MAST2: variants seen among roughly 807,000 people sequenced by gnomAD.
MAST2 encodes the protein microtubule associated serine/threonine kinase 2.
MAST2 carries 70 observed loss-of-function variants against 147.4 expected under a neutral mutation model. That is an observed-to-expected ratio of 0.47 (90% confidence interval 0.39 to 0.58). MAST2 has a LOEUF of 0.58. Ranked by LOEUF, MAST2 falls within the 20% of genes least tolerant of loss-of-function variation. The probability of loss-of-function intolerance (pLI) is 0.00; values close to 1 mark genes in which losing one functional copy is unlikely to be tolerated. For synonymous variants in MAST2, 869 were observed against 896.8 expected, an observed-to-expected ratio of 0.97 and a Z score of 0.55; for missense variants, 2,080 against 2,302.3, an observed-to-expected ratio of 0.90 and a Z score of 1.98.
At chr1:45,969,226 T>C (rs547001640) in intron 5 of MAST2, among the ~76,000 whole-genome samples, 1 of 152,262 alleles carries the variant, frequency 6.6e-6, no homozygotes, top group East Asian at 1.9e-4. Context: ...TATTTTTTGC[T>C]TTTTAGTGAG....
chr1:46,006,119 A>G (rs1645476581), intron 7 of MAST2, 122 bp from the exon 8 acceptor site: 1 of 935,700 alleles, frequency 1.1e-6, no homozygotes, highest in Admixed American at 2.3e-5. Flanking sequence ...GAGTAGGGGA[A>G]AGAAGACCTG....
At chr1:45,940,314 C>T (rs567119591) in intron 4 of MAST2, among the ~76,000 whole-genome samples, 268 of 151,932 alleles carry the variant, frequency 1.8e-3, no homozygotes, top group Middle Eastern at 6.8e-3. Context: ...TTAAAATTTT[C>T]TTTTAGTGTT....
chr1:46,029,922 G>A lies in MAST2; in HGVS notation c.2412G>A (p.Leu804=), dbSNP rs768013736. ...AGAAGGCTGAATTTATTCCTCAGTT[G>A]GAGTCAGAGGATGATACTAGCTATT... ...LRQKAEFIPQ[L]ESEDDTSYFD... The change falls in exon 20 of 29, where the codon TTG becomes TTA. Residue 804 remains leucine, a synonymous_variant. Transcript: ENST00000361297. 6.2e-7 allele frequency: 1 copy of A among 1,614,120 alleles called. No homozygotes were observed. Among genetic ancestry groups the A allele is most frequent in the Non-Finnish European group, 8.5e-7 (1 of 1,179,980 alleles).
intron 3 of MAST2, among the ~76,000 whole-genome samples, chr1:45,838,976 CTTTTT>C (rs1297137373): frequency 1.3e-5 from 2 of 148,890 alleles, no homozygotes; most frequent in Non-Finnish European, 3.0e-5. Flanking sequence ...CATATCTTTT[CTTTTT>C]TTTTTCCTTT....
intron 5 of MAST2, among the ~76,000 whole-genome samples, chr1:45,982,050 T>A (rs1206444540): frequency 6.6e-6 from 1 of 152,140 alleles, no homozygotes; most frequent in African/African-American, 2.4e-5. Flanking sequence ...AGTTTCACCA[T>A]GTTTGCCAGA....
chr1:45,984,518 A>G (rs575491650), intron 5 of MAST2, among the ~76,000 whole-genome samples: 1 of 152,170 alleles, frequency 6.6e-6, no homozygotes, highest in African/African-American at 2.4e-5. Context: ...GTTGTTGCCC[A>G]GGCTGGTCTT....
intron 4 of MAST2, among the ~76,000 whole-genome samples, chr1:45,947,331 A>AC (rs1368685687): frequency 6.1e-5 from 8 of 132,102 alleles, no homozygotes; most frequent in African/African-American, 2.2e-4. Context: ...AAAAAAAAAA[A>AC]CCCAAACACC....
rs545787393 is a variant in MAST2, at chr1:46,029,571, G to A, written c.2320+4G>A. 5 of 1,612,822 alleles carry A rather than the reference G, an allele frequency of 3.1e-6. No individual in the cohort carries two copies. The highest frequency in any genetic ancestry group is 4.2e-6 in the Non-Finnish European group (5 of 1,179,356). On this transcript the variant is annotated splice_donor_region_variant and intron_variant, in intron 19 of 28. Coordinates refer to ENST00000361297, the MANE Select transcript of MAST2 (RefSeq NM_015112.3). ...CCTCTGGAGAGACTTGGCACAGGTAGGGCAGGCCCTGCTAACTTTTCTCAC... is the reference window on the plus strand; with the variant it reads ...CCTCTGGAGAGACTTGGCACAGGTAAGGCAGGCCCTGCTAACTTTTCTCAC...
In MAST2 at chr1:46,023,708, G is replaced by T; in HGVS notation, c.1572-64G>T. On this transcript the variant is annotated intron_variant, in intron 14 of 28. Coordinates refer to ENST00000361297, the MANE Select transcript of MAST2 (RefSeq NM_015112.3). The surrounding 1 kb of genome is among the most constrained non-coding windows in gnomAD (Gnocchi z 4.9). ...TAAGGTGTGAGAGAAGGCAGTTTGGGTGGCAGAGAGCACAGCTCAGGTGCT... is the reference window on the plus strand; with the variant it reads ...TAAGGTGTGAGAGAAGGCAGTTTGGTTGGCAGAGAGCACAGCTCAGGTGCT... 1 of 1,479,352 alleles carries T rather than the reference G, an allele frequency of 6.8e-7. No individual in the cohort carries two copies. Among genetic ancestry groups the T allele is most frequent in the Admixed American group, 1.8e-5 (1 of 54,582 alleles). 91.6% of individuals were successfully genotyped at this position (1,479,352 alleles called of 1,614,324 possible).
chr1:45,997,520 G>T (rs1645103872), intron 5 of MAST2, among the ~76,000 whole-genome samples: 3 of 152,146 alleles, frequency 2.0e-5, no homozygotes, highest in Admixed American at 6.5e-5. Flanking sequence ...TGAGAGACAT[G>T]GGTTGTTACA....
At chr1:45,917,613 A>C in intron 4 of MAST2, 8 of 985,118 alleles carry the variant, frequency 8.1e-6, no homozygotes, top group Non-Finnish European at 1.1e-5. Context: ...CTCCTTAATA[A>C]TGGGGAGAAA....
intron 4 of MAST2, among the ~76,000 whole-genome samples, chr1:45,920,403 T>C (rs1422988933): frequency 1.3e-5 from 2 of 152,206 alleles, no homozygotes; most frequent in African/African-American, 4.8e-5. Flanking sequence ...TACCCCCTTT[T>C]GCTGCTTCCT....
intron 18 of MAST2, 123 bp from the exon 19 acceptor site, chr1:46,029,343 C>T: frequency 1.4e-6 from 1 of 713,442 alleles, no homozygotes; most frequent in Non-Finnish European, 2.3e-6. Flanking sequence ...CCAGGCAAGG[C>T]TTTCAGGGGC....
rs764145841 is a variant in MAST2, at chr1:46,031,406, G to C, written c.3008G>C (p.Gly1003Ala). Residue 1003 changes from glycine (G) to alanine (A), a missense_variant, in exon 24 of 29, where the codon GGC becomes GCC. Gly to Ala is a moderately conservative substitution (Grantham distance 60). Around this residue, in one of 4 missense-constraint regions of MAST2, gnomAD observed 1,278 missense variants for 1,304.2 expected, o/e 0.98. Transcript: ENST00000361297. This position sits in a 1 kb window ranked among gnomAD's most constrained non-coding sequence, Gnocchi z 4.1. ...SGSSPAMETRGRGTSQLAEGA... is the reference protein window; with the variant it reads ...SGSSPAMETRARGTSQLAEGA... ...GGGCCTACAGCTATGGAGACCCGAG[G>C]CCGTGGGACCTCACAGCTGGCTGAG... 6.2e-7 allele frequency: 1 copy of C among 1,613,090 alleles called. No homozygotes were observed. Among genetic ancestry groups the C allele is most frequent in the East Asian group, 2.2e-5 (1 of 44,860 alleles).
At chr1:46,029,787 T>C (rs1410151924) in intron 19 of MAST2, 44 bp from the exon 20 acceptor site, 1 of 1,608,444 alleles carries the variant, frequency 6.2e-7, no homozygotes, top group African/African-American at 1.3e-5. Flanking sequence ...CTAGACTCCA[T>C]GCTGCTCATC....
intron 4 of MAST2, among the ~76,000 whole-genome samples, chr1:45,915,035 G>A (rs968692169): frequency 6.6e-6 from 1 of 152,140 alleles, no homozygotes; most frequent in Admixed American, 6.5e-5. Context: ...GACCTCCTGG[G>A]CCCAAGGGAT....
chr1:45,979,033 A>C (rs1644291376), intron 5 of MAST2, among the ~76,000 whole-genome samples: 1 of 151,838 alleles, frequency 6.6e-6, no homozygotes, highest in South Asian at 2.1e-4. Flanking sequence ...CACTTTTAAA[A>C]TTGTATGAGA....
intron 6 of MAST2, among the ~76,000 whole-genome samples, chr1:46,000,230 C>T (rs1645219475): frequency 6.6e-6 from 1 of 152,216 alleles, no homozygotes; most frequent in East Asian, 1.9e-4. Flanking sequence ...AGGAGAATCA[C>T]TTGAATCCGG....
At chr1:45,958,575 T>C (rs1659981882) in intron 4 of MAST2, among the ~76,000 whole-genome samples, 1 of 150,618 alleles carries the variant, frequency 6.6e-6, no homozygotes, top group Admixed American at 6.6e-5. Context: ...TCCCTCTTTC[T>C]GTTCTTTCTT....
Sources: gnomAD v4.1 joint callset for allele counts (sites outside exome capture counted in the v4.1 genomes callset) on GRCh38, gnomAD v4.1.1 for gene constraint, gnomAD v4.1.1 regional missense constraint, Gnocchi (gnomAD v3.1) non-coding constraint, MANE v1.5 for transcripts, NCBI Gene and HGNC (gene_info 2026-07-23, HGNC 2026-07-21) for gene names.